KCNN2: variants seen among roughly 807,000 people sequenced by gnomAD.
KCNN2 encodes small conductance calcium-activated potassium channel protein 2.
Under a neutral mutation model 55.5 loss-of-function variants are expected in KCNN2, and 24 were observed. The observed-to-expected ratio is 0.43, with a 90% CI of 0.31 to 0.61. The LOEUF (loss-of-function observed/expected upper bound fraction) is 0.61. Among genes scored for constraint, KCNN2 ranks in the 20% least tolerant of loss-of-function variants. The probability of loss-of-function intolerance (pLI) is 0.08; values close to 1 mark genes in which losing one functional copy is unlikely to be tolerated. For synonymous variants in KCNN2, 431 were observed against 336.1 expected (o/e 1.28, Z -3.09); for missense variants, 754 against 853.6 (o/e 0.88, Z 1.45).
At chr5:114,269,051 T>A (rs1236525082) in intron 2 of KCNN2, among the ~76,000 whole-genome samples, 1 of 151,982 alleles carries the variant, frequency 6.6e-6, no homozygotes, top group Non-Finnish European at 1.5e-5. Flanking sequence ...GAAAAAGTCC[T>A]TCTCCAAGCT....
intron 3 of KCNN2, among the ~76,000 whole-genome samples, chr5:114,408,110 G>A (rs1408568626): frequency 6.6e-6 from 1 of 152,044 alleles, no homozygotes; most frequent in African/African-American, 2.4e-5. Context: ...GTGCATGTGC[G>A]GTTGCCTCTT....
At chr5:114,103,106 A>C (rs758176366) in intron 1 of KCNN2, among the ~76,000 whole-genome samples, 4 of 151,998 alleles carry the variant, frequency 2.6e-5, no homozygotes, top group Non-Finnish European at 5.9e-5. Flanking sequence ...GTCCTCTCTT[A>C]TTTCCTTGAA....
At chr5:114,474,646 T>C (rs1761890249) in intron 5 of KCNN2, among the ~76,000 whole-genome samples, 1 of 152,214 alleles carries the variant, frequency 6.6e-6, no homozygotes, top group African/African-American at 2.4e-5. Flanking sequence ...GCAGATGTTT[T>C]GTGTATTTCA....
intron 1 of KCNN2, among the ~76,000 whole-genome samples, chr5:114,201,291 T>A (rs1214937151): frequency 6.6e-5 from 10 of 151,736 alleles, no homozygotes; most frequent in Admixed American, 2.6e-4. Context: ...ATGTGGGTTA[T>A]TAATAATAAT....
chr5:114,179,042 A>G (rs763590239), intron 1 of KCNN2, among the ~76,000 whole-genome samples: 14 of 152,220 alleles, frequency 9.2e-5, no homozygotes, highest in Non-Finnish European at 1.6e-4. Context: ...TTGGTGGAAC[A>G]TAAACTTGGG....
At chr5:114,481,363 TG>T (rs1305595036) in intron 5 of KCNN2, among the ~76,000 whole-genome samples, 9 of 151,842 alleles carry the variant, frequency 5.9e-5, no homozygotes, top group Admixed American at 2.0e-4. Flanking sequence ...ACAAACAAAT[TG>T]GGAAACATTC....
At chr5:114,485,831 A>G (rs147786125) in intron 5 of KCNN2, among the ~76,000 whole-genome samples, 80 of 152,334 alleles carry the variant, frequency 5.3e-4, no homozygotes, top group Non-Finnish European at 6.3e-4. Flanking sequence ...CTCCATGAGA[A>G]AGATTCACTA....
At chr5:114,143,124 A>C (rs761701474) in intron 1 of KCNN2, among the ~76,000 whole-genome samples, 1 of 152,298 alleles carries the variant, frequency 6.6e-6, no homozygotes, top group East Asian at 1.9e-4. Context: ...ATATACCAGC[A>C]TTTATTATTA....
At chr5:114,274,689 T>A (rs3112760) in intron 2 of KCNN2, among the ~76,000 whole-genome samples, 136,823 of 152,154 alleles carry the variant, frequency 0.9, 61,894 homozygotes, top group East Asian at 0.94. Context: ...TGATTTTGTA[T>A]CCTGAGACTT....
At chr5:114,164,137 A>C (rs1752857794) in intron 1 of KCNN2, among the ~76,000 whole-genome samples, 1 of 152,130 alleles carries the variant, frequency 6.6e-6, no homozygotes, top group South Asian at 2.1e-4. Flanking sequence ...CAAAAGTATT[A>C]CTCTCTGGTG....
At chr5:114,077,572 G>T (rs1428718001) in intron 1 of KCNN2, among the ~76,000 whole-genome samples, 2 of 152,200 alleles carry the variant, frequency 1.3e-5, no homozygotes, top group African/African-American at 4.8e-5. Flanking sequence ...TTCTAATCAG[G>T]TGGTAGATGG....
intron 2 of KCNN2, among the ~76,000 whole-genome samples, chr5:114,325,311 G>A (rs1350941635): frequency 6.6e-6 from 1 of 152,160 alleles, no homozygotes; most frequent in Non-Finnish European, 1.5e-5. Context: ...GATATAAATT[G>A]AGGGAATAAA....
chr5:114,251,146 G>A (rs1483126913), intron 2 of KCNN2, among the ~76,000 whole-genome samples: 1 of 152,196 alleles, frequency 6.6e-6, no homozygotes, highest in Non-Finnish European at 1.5e-5. Flanking sequence ...TTGTAAAGGG[G>A]TGCAAGTGTT....
chr5:114,186,901 C>A (rs1388872469), intron 1 of KCNN2, among the ~76,000 whole-genome samples: 2 of 152,056 alleles, frequency 1.3e-5, no homozygotes, highest in East Asian at 3.9e-4. Context: ...TTTATAAGGC[C>A]AATATAACCT....
intron 2 of KCNN2, among the ~76,000 whole-genome samples, chr5:114,234,143 A>G (rs1014922320): frequency 6.6e-6 from 1 of 151,994 alleles, no homozygotes; most frequent in Non-Finnish European, 1.5e-5. Context: ...AACTTTATTG[A>G]GGATACCAAA....
At position 114,340,258 on chromosome 5, in the gene KCNN2, C is replaced by G. The variant is rs1756992743; in HGVS notation, c.-184-20687C>G. Among the ~76,000 whole-genome samples, 3 of 152,170 alleles carry G rather than the reference C, an allele frequency of 2.0e-5. No homozygotes were observed. The South Asian group carries it at 6.2e-4, about 31-fold the overall frequency. Reference sequence around the variant, plus strand: ...CTTGCGTAAACATGAAGCAGATTGTCATTGTTTAATTGTGTTCTATTTAAG... The same window carrying G: ...CTTGCGTAAACATGAAGCAGATTGTGATTGTTTAATTGTGTTCTATTTAAG... On this transcript the variant is annotated intron_variant, in intron 2 of 10. Transcript: ENST00000512097.
intron 2 of KCNN2, among the ~76,000 whole-genome samples, chr5:114,288,985 C>T (rs2150016603): frequency 6.6e-6 from 1 of 152,140 alleles, no homozygotes; most frequent in South Asian, 2.1e-4. Context: ...CTTTTTGCCC[C>T]TTGCTTTGCT....
At chr5:114,095,718 A>G (rs570943648) in intron 1 of KCNN2, among the ~76,000 whole-genome samples, 1 of 152,096 alleles carries the variant, frequency 6.6e-6, no homozygotes, top group East Asian at 1.9e-4. Flanking sequence ...TGGCCTACCT[A>G]ACTCCTTTTA....
At chr5:114,271,838 G>T (rs1580679311) in intron 2 of KCNN2, among the ~76,000 whole-genome samples, 1 of 152,080 alleles carries the variant, frequency 6.6e-6, no homozygotes, top group Admixed American at 6.6e-5. Flanking sequence ...GTGTGAAATT[G>T]GACAGGTTGC....
Sources: gnomAD v4.1 joint callset for allele counts (sites outside exome capture counted in the v4.1 genomes callset) on GRCh38, gnomAD v4.1.1 for gene constraint, MANE v1.5 for transcripts, NCBI Gene and HGNC (gene_info 2026-07-23, HGNC 2026-07-21) for gene names.